BICC1: variants seen among roughly 807,000 people sequenced by gnomAD.
BICC1 encodes the protein BicC family RNA binding protein 1.
In BICC1, 43 loss-of-function variants were observed where a neutral mutation model predicts 111.0. The ratio of observed to expected loss-of-function variants is 0.39; its 90% confidence interval spans 0.30 to 0.50. The LOEUF (loss-of-function observed/expected upper bound fraction) is 0.50, where lower values mean the gene tolerates loss of function less well. Ranked by LOEUF, BICC1 falls within the 20% of genes least tolerant of loss-of-function variation. The pLI is 0.88. For missense variants in BICC1, 1,091 were observed against 1,203.2 expected, an observed-to-expected ratio of 0.91 and a Z score of 1.38; for synonymous variants, 467 against 434.4, an observed-to-expected ratio of 1.07 and a Z score of -0.93.
intron 1 of BICC1, among the ~76,000 whole-genome samples, chr10:58,540,536 A>G (rs1193904070): frequency 3.3e-5 from 5 of 152,062 alleles, no homozygotes; most frequent in African/African-American, 9.7e-5. Context: ...ATACATTTCC[A>G]GAAATGTACA....
intron 1 of BICC1, among the ~76,000 whole-genome samples, chr10:58,519,622 AT>A (rs201030022): frequency 1.3e-5 from 2 of 151,816 alleles, no homozygotes; most frequent in African/African-American, 4.8e-5. Flanking sequence ...TTAAATTATA[AT>A]TTTTTTTCAT....
At chr10:58,741,757 A>G (rs1167137986) in intron 3 of BICC1, among the ~76,000 whole-genome samples, 1 of 152,072 alleles carries the variant, frequency 6.6e-6, no homozygotes, top group Non-Finnish European at 1.5e-5. Flanking sequence ...TTTATTTTTC[A>G]TGATATTGTA....
chr10:58,648,983 T>C (rs1338493846), intron 2 of BICC1, among the ~76,000 whole-genome samples: 2 of 152,144 alleles, frequency 1.3e-5, no homozygotes, highest in Non-Finnish European at 2.9e-5. Flanking sequence ...TCACACTTAA[T>C]GAGAGGTGGC....
chr10:58,800,792 C>G, intron 13 of BICC1, 98 bp from the exon 14 acceptor site: 1 of 1,209,450 alleles, frequency 8.3e-7, no homozygotes. Flanking sequence ...ATCATGTCTC[C>G]ATAGAGTAGG....
chr10:58,569,682 G>T (rs1001722351), intron 1 of BICC1, among the ~76,000 whole-genome samples: 2 of 152,136 alleles, frequency 1.3e-5, no homozygotes, highest in African/African-American at 4.8e-5. Flanking sequence ...GAGAATGATC[G>T]TTTCCAGCTT....
chr10:58,573,570 G>A (rs1185682117), intron 1 of BICC1, among the ~76,000 whole-genome samples: 1 of 152,026 alleles, frequency 6.6e-6, no homozygotes. Context: ...AGGGCTGTAG[G>A]GTTTCTCTTC....
chr10:58,749,279 C>T (rs1841920987), intron 3 of BICC1, among the ~76,000 whole-genome samples: 1 of 152,092 alleles, frequency 6.6e-6, no homozygotes, highest in South Asian at 2.1e-4. Flanking sequence ...GGTCATCTTC[C>T]TGAGTTCCTG....
chr10:58,750,789 A>G (rs1020307869), intron 3 of BICC1, among the ~76,000 whole-genome samples: 2 of 152,170 alleles, frequency 1.3e-5, no homozygotes, highest in African/African-American at 4.8e-5. Flanking sequence ...AAAGCTTGTT[A>G]ATTGTGACTT....
intron 3 of BICC1, among the ~76,000 whole-genome samples, chr10:58,771,037 T>A (rs867422778): frequency 1.4e-4 from 21 of 152,344 alleles, no homozygotes; most frequent in African/African-American, 4.8e-4. Context: ...ATTTAATCCT[T>A]ACAACAATCT....
At chr10:58,695,049 A>T (rs974694806) in intron 2 of BICC1, among the ~76,000 whole-genome samples, 2 of 152,208 alleles carry the variant, frequency 1.3e-5, no homozygotes, top group African/African-American at 4.8e-5. Context: ...CTATACAGTA[A>T]GTTTATCTGA....
intron 1 of BICC1, among the ~76,000 whole-genome samples, chr10:58,554,054 G>T (rs1483830341): frequency 6.6e-6 from 1 of 152,046 alleles, no homozygotes; most frequent in Non-Finnish European, 1.5e-5. Context: ...TTTTTGTTAT[G>T]TTTATTTTAA....
intron 2 of BICC1, among the ~76,000 whole-genome samples, chr10:58,688,113 A>T (rs1020593999): frequency 1.3e-5 from 2 of 152,104 alleles, no homozygotes; most frequent in Non-Finnish European, 2.9e-5. Context: ...CAGCTCTTAA[A>T]GTTAGCGTGG....
chr10:58,633,609 G>A (rs773396899), intron 2 of BICC1, among the ~76,000 whole-genome samples: 10 of 151,968 alleles, frequency 6.6e-5, no homozygotes, highest in Non-Finnish European at 1.3e-4. Flanking sequence ...TAAAATAAAT[G>A]GCATCATTTA....
intron 1 of BICC1, among the ~76,000 whole-genome samples, chr10:58,597,321 T>A (rs756161577): frequency 6.6e-6 from 1 of 152,028 alleles, no homozygotes; most frequent in Non-Finnish European, 1.5e-5. Flanking sequence ...AAAGATCACA[T>A]GCTTCAAAAG....
Position 58,831,246 on chromosome 10 carries a change from T to G in BICC1, c.*2355T>G, listed in dbSNP as rs1844543239. ...AAATGTTAACTTTTAATCTGCGCCTTAATAATGACTGGTTATCTGTAAATA... is the reference window on the plus strand; with the variant it reads ...AAATGTTAACTTTTAATCTGCGCCTGAATAATGACTGGTTATCTGTAAATA... On this transcript the variant is annotated 3_prime_UTR_variant, in exon 21 of 21. Transcript: ENST00000373886. 1 of 152,214 alleles carries G rather than the reference T, an allele frequency of 6.6e-6. No homozygotes were observed. Among genetic ancestry groups the G allele is most frequent in the African/African-American group, 2.4e-5 (1 of 41,464 alleles). 9.4% of individuals were successfully genotyped at this position (152,214 alleles called of 1,614,324 possible).
At chr10:58,763,741 G>A (rs781409729) in intron 3 of BICC1, among the ~76,000 whole-genome samples, 11 of 151,952 alleles carry the variant, frequency 7.2e-5, no homozygotes, top group African/African-American at 1.5e-4. Context: ...GACCTGGCAC[G>A]TTGAAATTAA....
intron 1 of BICC1, among the ~76,000 whole-genome samples, chr10:58,524,813 C>A (rs1842486584): frequency 6.6e-6 from 1 of 152,232 alleles, no homozygotes; most frequent in South Asian, 2.1e-4. Flanking sequence ...ATCTACTCAT[C>A]TCCCAAAGGG....
chr10:58,614,763 AGTC>A (rs1480881324), intron 1 of BICC1, among the ~76,000 whole-genome samples: 1 of 152,212 alleles, frequency 6.6e-6, no homozygotes, highest in Non-Finnish European at 1.5e-5. Flanking sequence ...GAGCAAAATA[AGTC>A]TCCTCAAGGA....
chr10:58,530,684 CA>C (rs67946394), intron 1 of BICC1, among the ~76,000 whole-genome samples: 37,899 of 86,372 alleles, frequency 0.44, 4,565 homozygotes, highest in East Asian at 0.59. Context: ...ACTTTAAATG[CA>C]AAAAAAAAAA....
Sources: allele counts gnomAD v4.1 joint callset (sites outside exome capture counted in the v4.1 genomes callset), GRCh38; gene constraint gnomAD v4.1.1; transcripts MANE v1.5; gene names NCBI Gene and HGNC (gene_info 2026-07-23, HGNC 2026-07-21).